The following DLG1 variants were observed in gnomAD, a reference collection of about 807,000 sequenced individuals.
DLG1 encodes the protein disks large homolog 1.
DLG1 carries 42 observed loss-of-function variants against 123.4 expected under a neutral mutation model. The observed-to-expected ratio is 0.34, with a 90% CI of 0.27 to 0.44. The LOEUF is 0.44. DLG1 is among the 20% of genes least tolerant of loss of function. The pLI, the probability that DLG1 is intolerant of heterozygous loss-of-function variation, is 1.00. For synonymous variants in DLG1, 317 were observed against 356.2 expected (o/e 0.89, Z 1.24); for missense variants, 942 against 1,082.6 (o/e 0.87, Z 1.82).
intron 4 of DLG1, among the ~76,000 whole-genome samples, chr3:197,269,315 T>G (rs772764409): frequency 4.9e-4 from 74 of 152,302 alleles, no homozygotes; most frequent in Admixed American, 8.5e-4. Flanking sequence ...GAGATATAAA[T>G]TTCTCAGCTT....
chr3:197,077,437 C>G (rs1427306424), intron 17 of DLG1, among the ~76,000 whole-genome samples: 2 of 152,126 alleles, frequency 1.3e-5, no homozygotes, highest in East Asian at 3.9e-4. Context: ...GTACTGAAGT[C>G]TCCTGACCAA....
intron 15 of DLG1, among the ~76,000 whole-genome samples, chr3:197,087,826 G>A (rs1755315394): frequency 6.6e-6 from 1 of 152,110 alleles, no homozygotes; most frequent in South Asian, 2.1e-4. Context: ...AAAAACAGAA[G>A]GTAGAAACAC....
intron 3 of DLG1, among the ~76,000 whole-genome samples, chr3:197,283,827 G>C (rs544231261): frequency 6.7e-6 from 1 of 149,004 alleles, no homozygotes; most frequent in African/African-American, 2.5e-5. Context: ...TCACAAAATA[G>C]AGACAAACTT....
At chr3:197,132,941 T>C (rs1783387335) in intron 10 of DLG1, among the ~76,000 whole-genome samples, 1 of 128,422 alleles carries the variant, frequency 7.8e-6, no homozygotes, top group African/African-American at 3.0e-5. Context: ...GAAATACACA[T>C]TAAATAGCTG....
Position 197,136,561 on chromosome 3 carries a change from A to G in DLG1, c.1001T>C (p.Ile334Thr), listed in dbSNP as rs1785155084. 1 of 1,611,834 alleles carries G rather than the reference A, an allele frequency of 6.2e-7. No homozygotes were observed. Among genetic ancestry groups the G allele is most frequent in the African/African-American group, 1.3e-5 (1 of 74,822 alleles). Residue 334 changes from isoleucine to threonine, a missense_variant, in exon 10 of 25, where the codon ATT becomes ACT. Physicochemically the swap from Ile to Thr is moderately conservative, Grantham distance 89. Transcript: ENST00000667157. ...GAAHKDGKLQ[I>T]GDKLLAVNNV... ...ACTTACTGCTAAAAGTTTATCTCCAATCTGAAGTTTGCCATCCTTATGTGC... is the reference window on the plus strand; with the variant it reads ...ACTTACTGCTAAAAGTTTATCTCCAGTCTGAAGTTTGCCATCCTTATGTGC...
intron 4 of DLG1, among the ~76,000 whole-genome samples, chr3:197,255,658 C>A (rs532677471): frequency 6.6e-6 from 1 of 152,102 alleles, no homozygotes; most frequent in African/African-American, 2.4e-5. Context: ...TAAAAAGGAA[C>A]AAGCTACCAG....
intron 10 of DLG1, among the ~76,000 whole-genome samples, chr3:197,135,358 T>A (rs182094261): frequency 6.6e-6 from 1 of 152,260 alleles, no homozygotes; most frequent in Admixed American, 6.5e-5. Context: ...GTTCTCTTGA[T>A]AGTGAGTGAG....
intron 4 of DLG1, among the ~76,000 whole-genome samples, chr3:197,280,380 T>C (rs1385103852): frequency 2.0e-5 from 3 of 151,308 alleles, no homozygotes; most frequent in Non-Finnish European, 4.4e-5. Context: ...TCACACTTTA[T>C]CCATTCACCT....
In DLG1 at chr3:197,233,541, G is replaced by A. The variant is rs936694416; in HGVS notation, c.319-38952C>T. ...AGCTGGGATTACAGGTGCGCACCAC[G>A]ATGCCCGGCTTTTTTGTATTTTTGG... On this transcript the variant is annotated intron_variant, in intron 4 of 24. Transcript: ENST00000667157. 6.6e-5 allele frequency among the ~76,000 whole-genome samples: 10 copies of A among 152,148 alleles called. 1 individual carries two copies. In the South Asian group the frequency reaches 1.9e-3, roughly 28 times the overall value.
intron 14 of DLG1, among the ~76,000 whole-genome samples, chr3:197,103,017 T>A (rs1431531101): frequency 6.6e-6 from 1 of 152,240 alleles, no homozygotes; most frequent in Non-Finnish European, 1.5e-5. Context: ...GGCAGGCTGC[T>A]TTATCCAAAT....
At chr3:197,158,566 G>T (rs892115103) in intron 5 of DLG1, among the ~76,000 whole-genome samples, 3 of 149,110 alleles carry the variant, frequency 2.0e-5, no homozygotes, top group African/African-American at 7.4e-5. Flanking sequence ...CCCGGGAGGT[G>T]GAGGCTGTGG....
At position 197,044,455 on chromosome 3, in the gene DLG1, C is replaced by T. The variant is rs891875098; in HGVS notation, c.*168G>A. On this transcript the variant is annotated 3_prime_UTR_variant, in exon 25 of 25. Coordinates refer to ENST00000667157, the MANE Select transcript of DLG1 (RefSeq NM_001366207.1). ...CAATAGTGACATTAAATAATACACA[C>T]GATGTAACTTGAAGGAGACACTACA... 8 of 466,372 alleles carry T rather than the reference C, an allele frequency of 1.7e-5. No individual in the cohort carries two copies. Among genetic ancestry groups the T allele is most frequent in the African/African-American group, 4.0e-5 (2 of 49,890 alleles). 28.9% of individuals were successfully genotyped at this position (466,372 alleles called of 1,614,324 possible).
chr3:197,238,462 A>G (rs1344546408), intron 4 of DLG1, among the ~76,000 whole-genome samples: 3 of 152,234 alleles, frequency 2.0e-5, no homozygotes, highest in African/African-American at 7.2e-5. Context: ...GAAATACAAG[A>G]CACAAAGAAC....
At chr3:197,296,962 G>GGC (rs1553843633) in intron 2 of DLG1, 424 of 559,006 alleles carry the variant, frequency 7.6e-4, no homozygotes, top group South Asian at 4.7e-3. Context: ...TTGGGGGGGG[G>GGC]CTAACTGCCT....
intron 3 of DLG1, among the ~76,000 whole-genome samples, chr3:197,293,377 T>C (rs1481447968): frequency 6.6e-6 from 1 of 152,236 alleles, no homozygotes; most frequent in Non-Finnish European, 1.5e-5. Context: ...CTACCAAGTA[T>C]CTATCAGCAC....
chr3:197,100,167 A>G (rs1268473625), intron 14 of DLG1, among the ~76,000 whole-genome samples: 1 of 152,244 alleles, frequency 6.6e-6, no homozygotes, highest in Non-Finnish European at 1.5e-5. Context: ...ATGATAAGAA[A>G]TGACAAATGT....
intron 4 of DLG1, among the ~76,000 whole-genome samples, chr3:197,201,380 T>C (rs1725649302): frequency 6.6e-6 from 1 of 151,958 alleles, no homozygotes; most frequent in South Asian, 2.1e-4. Flanking sequence ...TGAGACTCCG[T>C]CTCAAAAAAC....
chr3:197,199,645 A>T (rs553473325), intron 4 of DLG1, among the ~76,000 whole-genome samples: 28 of 152,198 alleles, frequency 1.8e-4, no homozygotes, highest in Non-Finnish European at 3.5e-4. Context: ...ATTATTTGAG[A>T]AAGTACTTCC....
intron 4 of DLG1, among the ~76,000 whole-genome samples, chr3:197,244,806 C>T (rs746831671): frequency 6.6e-6 from 1 of 152,056 alleles, no homozygotes; most frequent in Non-Finnish European, 1.5e-5. Context: ...ATGAGAACAT[C>T]ATCCCCAGGC....
Sources: gnomAD v4.1 joint callset for allele counts (sites outside exome capture counted in the v4.1 genomes callset) on GRCh38, gnomAD v4.1.1 for gene constraint, MANE v1.5 for transcripts, NCBI Gene and HGNC (gene_info 2026-07-23, HGNC 2026-07-21) for gene names.